NDUFB3: variants seen among roughly 807,000 people sequenced by gnomAD.
The protein encoded by NDUFB3 is NADH dehydrogenase [ubiquinone] 1 beta subcomplex subunit 3.
NDUFB3 carries 7 observed loss-of-function variants against 9.0 expected under a neutral mutation model. That is an observed-to-expected ratio of 0.78 (90% CI 0.44 to 1.46). NDUFB3 has a LOEUF of 1.46. Among genes scored for constraint, NDUFB3 ranks in the 40% most tolerant of loss-of-function variants. NDUFB3 has a pLI of 0.01. For missense variants in NDUFB3, 93 were observed against 115.4 expected, an observed-to-expected ratio of 0.81 and a Z score of 0.89; for synonymous variants, 29 against 38.5, an observed-to-expected ratio of 0.75 and a Z score of 0.91.
chr2:201,080,105 T>C (rs1369524118), intron 2 of NDUFB3, among the ~76,000 whole-genome samples: 1 of 152,216 alleles, frequency 6.6e-6, no homozygotes, highest in Non-Finnish European at 1.5e-5. Flanking sequence ...CTTTTATAGT[T>C]CTTCTTACAT....
chr2:201,085,704 C>G lies in NDUFB3; in HGVS notation c.*89C>G. The G allele has an allele frequency of 9.4e-7, 1 of 1,059,002 alleles. No individual in the cohort carries two copies. Among genetic ancestry groups the G allele is most frequent in the Non-Finnish European group, 1.3e-6 (1 of 751,816 alleles). The allele number at this position is 1,059,002 out of a possible 1,614,324, so 65.6% of individuals were successfully genotyped here. A position where few individuals can be genotyped will look rare whatever the true frequency, so the allele number is the denominator to read the frequency against. On this transcript the variant is annotated 3_prime_UTR_variant, in exon 3 of 3. Transcript: ENST00000237889. Reference sequence around the variant, plus strand: ...GCCTACTTGTCTGGTTTATCCCTTACAGAATATTAGTAAGATTTAATCAAT... The same window carrying G: ...GCCTACTTGTCTGGTTTATCCCTTAGAGAATATTAGTAAGATTTAATCAAT...
At chr2:201,081,908 TG>T (rs1250168436) in intron 2 of NDUFB3, among the ~76,000 whole-genome samples, 1 of 151,476 alleles carries the variant, frequency 6.6e-6, no homozygotes, top group African/African-American at 2.4e-5. Flanking sequence ...CTCCGCCTCC[TG>T]GGTTCACACC....
chr2:201,074,484 TCTCA>T (rs2047137824), intron 1 of NDUFB3, among the ~76,000 whole-genome samples: 1 of 129,202 alleles, frequency 7.7e-6, no homozygotes, highest in Admixed American at 8.2e-5. Flanking sequence ...TGAGATAGAA[TCTCA>T]CTCTGTCACC....
chr2:201,082,406 A>G (rs1316735680), intron 2 of NDUFB3, among the ~76,000 whole-genome samples: 2 of 151,878 alleles, frequency 1.3e-5, no homozygotes, highest in African/African-American at 4.8e-5. Flanking sequence ...CTGGGACTAC[A>G]GGTGCATGCC....
At chr2:201,081,347 G>A (rs928754435) in intron 2 of NDUFB3, among the ~76,000 whole-genome samples, 5 of 151,754 alleles carry the variant, frequency 3.3e-5, no homozygotes, top group African/African-American at 1.2e-4. Flanking sequence ...GCCAGGTGTG[G>A]TAGTGGGTAC....
At chr2:201,080,045 A>C (rs995827490) in intron 2 of NDUFB3, 1 of 152,084 alleles carries the variant, frequency 6.6e-6, no homozygotes, top group East Asian at 1.9e-4. Flanking sequence ...AAATTTTACA[A>C]TGTATCCTTT....
chr2:201,084,820 G>T (rs530265462), intron 2 of NDUFB3, among the ~76,000 whole-genome samples: 13 of 152,046 alleles, frequency 8.6e-5, no homozygotes, highest in African/African-American at 2.9e-4. Flanking sequence ...TTTTTCATTG[G>T]CTTGTCCTTA....
intron 2 of NDUFB3, among the ~76,000 whole-genome samples, chr2:201,084,965 G>A (rs1675915915): frequency 1.3e-5 from 2 of 152,122 alleles, no homozygotes; most frequent in South Asian, 4.1e-4. Flanking sequence ...TATCATGCAT[G>A]AGCCTGTTTA....
chr2:201,083,812 A>G (rs2047259757), intron 2 of NDUFB3, among the ~76,000 whole-genome samples: 1 of 152,180 alleles, frequency 6.6e-6, no homozygotes, highest in South Asian at 2.1e-4. Flanking sequence ...CTTCATTATG[A>G]TGTATTACCA....
chr2:201,074,779 C>G (rs999043865), intron 1 of NDUFB3, among the ~76,000 whole-genome samples: 3 of 152,096 alleles, frequency 2.0e-5, no homozygotes, highest in Admixed American at 6.6e-5. Context: ...CTAGGTCTTG[C>G]CAGTTTTTCA....
intron 2 of NDUFB3, among the ~76,000 whole-genome samples, chr2:201,080,729 G>A (rs1307784893): frequency 1.8e-5 from 2 of 112,332 alleles, no homozygotes; most frequent in African/African-American, 7.1e-5. Context: ...TTTTGAGACA[G>A]AGTCTCACTC....
chr2:201,082,212 C>T (rs140107154), intron 2 of NDUFB3, among the ~76,000 whole-genome samples: 6,460 of 152,022 alleles, frequency 0.042, 180 homozygotes, highest in Non-Finnish European at 0.065. Context: ...CCTCAGCCCC[C>T]CAAAGTGCTA....
chr2:201,080,114 A>C (rs1464133257), intron 2 of NDUFB3, among the ~76,000 whole-genome samples: 2 of 152,146 alleles, frequency 1.3e-5, no homozygotes, highest in African/African-American at 2.4e-5. Flanking sequence ...TTCTTCTTAC[A>C]TTCTGTGATC....
At chr2:201,079,962 T>G (rs1411945599) in intron 2 of NDUFB3, 4 of 152,176 alleles carry the variant, frequency 2.6e-5, no homozygotes. Flanking sequence ...CAGTGTGGCT[T>G]ATCTTTTTAT....
chr2:201,084,078 C>CAG (rs1244530537), intron 2 of NDUFB3, among the ~76,000 whole-genome samples: 7 of 152,128 alleles, frequency 4.6e-5, no homozygotes, highest in South Asian at 2.1e-4. Context: ...ATCACAAGGT[C>CAG]AGAAGTTCGA....
intron 2 of NDUFB3, among the ~76,000 whole-genome samples, chr2:201,085,022 C>G (rs1442474182): frequency 6.6e-6 from 1 of 152,162 alleles, no homozygotes; most frequent in Admixed American, 6.6e-5. Flanking sequence ...TTGAATAGAA[C>G]AGGAAGCAGA....
At chr2:201,085,012 T>C (rs1325478385) in intron 2 of NDUFB3, among the ~76,000 whole-genome samples, 1 of 152,216 alleles carries the variant, frequency 6.6e-6, no homozygotes, top group Admixed American at 6.5e-5. Flanking sequence ...ATAATCATCA[T>C]TGAATAGAAC....
chr2:201,075,479 T>C (rs1294672187), intron 1 of NDUFB3, among the ~76,000 whole-genome samples: 1 of 150,772 alleles, frequency 6.6e-6, no homozygotes. Context: ...GGCAGGAGAA[T>C]TGCTTGAACC....
intron 2 of NDUFB3, among the ~76,000 whole-genome samples, chr2:201,082,176 A>G (rs866067548): frequency 1.3e-5 from 2 of 151,068 alleles, no homozygotes; most frequent in Non-Finnish European, 1.5e-5. Context: ...CTGGTCTTGA[A>G]CTCATGACCT....
Sources: allele counts gnomAD v4.1 joint callset (sites outside exome capture counted in the v4.1 genomes callset), GRCh38; gene constraint gnomAD v4.1.1; transcripts MANE v1.5; gene names NCBI Gene and HGNC (gene_info 2026-07-23, HGNC 2026-07-21).